L3MBTL4: variants seen among roughly 807,000 people sequenced by gnomAD.
L3MBTL4 encodes the protein L3MBTL histone methyl-lysine binding protein 4.
L3MBTL4 carries 70 observed loss-of-function variants against 84.5 expected under a neutral mutation model. The ratio of observed to expected loss-of-function variants is 0.83; its 90% CI spans 0.68 to 1.01. The LOEUF (loss-of-function observed/expected upper bound fraction) is 1.01. Ranked by LOEUF, L3MBTL4 falls within the 50% of genes least tolerant of loss-of-function variation. The pLI, the probability that L3MBTL4 is intolerant of heterozygous loss-of-function variation, is 0.00. For synonymous variants in L3MBTL4, 274 were observed against 259.8 expected (o/e 1.05, Z -0.52); for missense variants, 715 against 754.8 (o/e 0.95, Z 0.62).
chr18:6,204,414 C>A (rs1215622411), intron 12 of L3MBTL4, among the ~76,000 whole-genome samples: 1 of 152,202 alleles, frequency 6.6e-6, no homozygotes, highest in Non-Finnish European at 1.5e-5. Context: ...ATGGCTCCAG[C>A]AGCCGTGTAA....
intron 11 of L3MBTL4, among the ~76,000 whole-genome samples, chr18:6,214,747 A>C (rs2046253867): frequency 6.6e-6 from 1 of 152,184 alleles, no homozygotes; most frequent in African/African-American, 2.4e-5. Context: ...CAGAGGTAGA[A>C]GAGTTTAGTA....
At chr18:6,374,182 G>A (rs1480643739) in intron 1 of L3MBTL4, among the ~76,000 whole-genome samples, 1 of 152,178 alleles carries the variant, frequency 6.6e-6, no homozygotes, top group Non-Finnish European at 1.5e-5. Context: ...GGCAGTGGCT[G>A]GGTTCAAATC....
intron 1 of L3MBTL4, among the ~76,000 whole-genome samples, chr18:6,405,056 T>C (rs1213715839): frequency 1.3e-5 from 2 of 152,204 alleles, no homozygotes; most frequent in African/African-American, 4.8e-5. Flanking sequence ...TAGGGAAAAC[T>C]TGAAGAACTT....
At chr18:6,014,477 G>A (rs2054873687) in intron 16 of L3MBTL4, among the ~76,000 whole-genome samples, 1 of 152,304 alleles carries the variant, frequency 6.6e-6, no homozygotes, top group East Asian at 1.9e-4. Flanking sequence ...AGCAAAGCGT[G>A]CCCCATCCAG....
chr18:6,247,044 T>A (rs1443923465), intron 5 of L3MBTL4, among the ~76,000 whole-genome samples: 1 of 152,252 alleles, frequency 6.6e-6, no homozygotes, highest in East Asian at 1.9e-4. Flanking sequence ...GTACTTACTC[T>A]ATCTCTCATA....
chr18:6,121,478 A>C (rs1289056873), intron 14 of L3MBTL4, among the ~76,000 whole-genome samples: 1 of 152,206 alleles, frequency 6.6e-6, no homozygotes, highest in Admixed American at 6.5e-5. Context: ...AATGAGATGA[A>C]GGGATAATTA....
At chr18:5,976,474 G>T (rs1239259894) in intron 16 of L3MBTL4, among the ~76,000 whole-genome samples, 1 of 152,150 alleles carries the variant, frequency 6.6e-6, no homozygotes, top group East Asian at 1.9e-4. Flanking sequence ...GAAGAGGCTG[G>T]GTGGCTGGAT....
At chr18:5,991,825 C>A (rs2053713465) in intron 16 of L3MBTL4, among the ~76,000 whole-genome samples, 2 of 152,140 alleles carry the variant, frequency 1.3e-5, no homozygotes, top group African/African-American at 2.4e-5. Flanking sequence ...TCAACACTGG[C>A]TGAACCTAGT....
At chr18:6,403,724 G>A (rs1301500331) in intron 1 of L3MBTL4, among the ~76,000 whole-genome samples, 3 of 152,146 alleles carry the variant, frequency 2.0e-5, no homozygotes, top group African/African-American at 7.2e-5. Flanking sequence ...ACTACCATTT[G>A]ATCCAGCAAT....
At chr18:5,993,818 A>G (rs9948177) in intron 16 of L3MBTL4, among the ~76,000 whole-genome samples, 2,775 of 152,316 alleles carry the variant, frequency 0.018, 87 homozygotes, top group African/African-American at 0.062. Context: ...ATTTTCCCCA[A>G]TAGTTTTATT....
intron 10 of L3MBTL4, among the ~76,000 whole-genome samples, chr18:6,225,603 TACAAAC>T (rs1175219110): frequency 6.6e-6 from 1 of 151,896 alleles, no homozygotes; most frequent in Non-Finnish European, 1.5e-5. Flanking sequence ...TTACCAAAAA[TACAAAC>T]ATTAACTGGG....
chr18:6,138,772 G>A (rs1027975749), intron 13 of L3MBTL4, among the ~76,000 whole-genome samples: 5 of 152,096 alleles, frequency 3.3e-5, no homozygotes, highest in African/African-American at 4.8e-5. Context: ...GGCTGGTCTC[G>A]AACTCCTGAC....
intron 5 of L3MBTL4, among the ~76,000 whole-genome samples, chr18:6,252,631 C>A (rs1450092633): frequency 6.6e-6 from 1 of 152,142 alleles, no homozygotes. Flanking sequence ...AACACATACA[C>A]ATAATCAAGT....
intron 13 of L3MBTL4, among the ~76,000 whole-genome samples, chr18:6,140,351 G>A (rs2060158196): frequency 1.3e-5 from 2 of 152,200 alleles, no homozygotes; most frequent in Non-Finnish European, 2.9e-5. Context: ...ATCATGTCTG[G>A]CTGTGGCGCG....
intron 5 of L3MBTL4, among the ~76,000 whole-genome samples, chr18:6,256,174 ACTATCAAAAACAAAATGCAC>A (rs1487022124): frequency 6.6e-6 from 1 of 152,244 alleles, no homozygotes; most frequent in Non-Finnish European, 1.5e-5. Flanking sequence ...ACAAATTCAG[ACTATCAAAAACAAAATGCAC>A]CTATCAAAAA....
intron 17 of L3MBTL4, among the ~76,000 whole-genome samples, chr18:5,964,370 G>A (rs555828227): frequency 3.3e-5 from 5 of 152,170 alleles, no homozygotes; most frequent in South Asian, 2.1e-4. Context: ...TGGGGCTGCC[G>A]CTGCTTTAAA....
chr18:6,118,212 C>T (rs1354549230), intron 14 of L3MBTL4, among the ~76,000 whole-genome samples: 2 of 151,772 alleles, frequency 1.3e-5, no homozygotes, highest in South Asian at 2.1e-4. Flanking sequence ...CACACAAACA[C>T]ACACACACAC....
At chr18:5,972,884 G>C (rs2052711628) in intron 16 of L3MBTL4, among the ~76,000 whole-genome samples, 1 of 107,354 alleles carries the variant, frequency 9.3e-6, no homozygotes, top group Non-Finnish European at 1.8e-5. Context: ...GAATAGAATA[G>C]AACAGAAGAG....
chr18:6,306,250 A>C (rs2050580426), intron 3 of L3MBTL4, among the ~76,000 whole-genome samples: 1 of 152,248 alleles, frequency 6.6e-6, no homozygotes, highest in Admixed American at 6.5e-5. Context: ...ATAAAAGTAA[A>C]GAAATTTGTG....
Sources: gnomAD v4.1 joint callset for allele counts (sites outside exome capture counted in the v4.1 genomes callset) on GRCh38, gnomAD v4.1.1 for gene constraint, MANE v1.5 for transcripts, NCBI Gene and HGNC (gene_info 2026-07-23, HGNC 2026-07-21) for gene names.